The following GABRG3 variants were observed in gnomAD, a reference collection of about 807,000 sequenced individuals.
The protein encoded by GABRG3 is gamma-aminobutyric acid receptor subunit gamma-3.
A neutral mutation model predicts 48.8 loss-of-function variants in GABRG3; 25 were observed. The ratio of observed to expected loss-of-function variants is 0.51; its 90% CI spans 0.37 to 0.72. The LOEUF is 0.72. Ranked by LOEUF, GABRG3 falls within the 30% of genes least tolerant of loss-of-function variation. GABRG3 has a pLI of 0.00. For missense variants in GABRG3, 394 were observed against 577.9 expected (o/e 0.68, Z 3.26); for synonymous variants, 227 against 217.6 (o/e 1.04, Z -0.38).
At chr15:27,446,561 A>G (rs1253520944) in intron 5 of GABRG3, among the ~76,000 whole-genome samples, 2 of 152,220 alleles carry the variant, frequency 1.3e-5, no homozygotes, top group African/African-American at 4.8e-5. Flanking sequence ...CTAGCAGAAA[A>G]AAAAATTTTG....
chr15:27,187,304 C>G (rs1388911624), intron 3 of GABRG3, among the ~76,000 whole-genome samples: 4 of 152,092 alleles, frequency 2.6e-5, no homozygotes, highest in African/African-American at 9.7e-5. Flanking sequence ...CATACCAGTA[C>G]CATGCATTTT....
chr15:26,975,464 T>C lies in GABRG3; in HGVS notation c.54-1538T>C, dbSNP rs963579680. On this transcript the variant is annotated intron_variant, in intron 1 of 9. Transcript: ENST00000615808. This position sits in a 1 kb window ranked among gnomAD's most constrained non-coding sequence, Gnocchi z 4.6. ...AGTGGGGAAGTCATTCTTTGAGACATATGCCGTATACTCATTGTCAACATC... is the reference window on the plus strand; with the variant it reads ...AGTGGGGAAGTCATTCTTTGAGACACATGCCGTATACTCATTGTCAACATC... 5.9e-5 allele frequency among the ~76,000 whole-genome samples: 9 copies of C among 152,172 alleles called. No individual in the cohort carries two copies. Among genetic ancestry groups the C allele is most frequent in the African/African-American group, 1.2e-4 (5 of 41,444 alleles).
At chr15:27,069,864 A>G (rs1407792069) in intron 3 of GABRG3, among the ~76,000 whole-genome samples, 1 of 152,242 alleles carries the variant, frequency 6.6e-6, no homozygotes, top group East Asian at 1.9e-4. Flanking sequence ...AAATGGGCAC[A>G]GAGAGCTTGC....
intron 3 of GABRG3, among the ~76,000 whole-genome samples, chr15:27,219,588 C>T (rs1889384606): frequency 6.6e-6 from 1 of 152,192 alleles, no homozygotes; most frequent in Admixed American, 6.5e-5. Context: ...TGTCCACACC[C>T]TCCTTAGTCC....
At chr15:27,320,398 G>C (rs189748583) in intron 3 of GABRG3, among the ~76,000 whole-genome samples, 4 of 152,220 alleles carry the variant, frequency 2.6e-5, no homozygotes, top group Admixed American at 2.6e-4. Flanking sequence ...AGGGTCTAGG[G>C]CTCCAGAGGT....
chr15:27,023,132 G>A (rs1033946490), intron 2 of GABRG3, among the ~76,000 whole-genome samples: 3 of 152,240 alleles, frequency 2.0e-5, no homozygotes, highest in South Asian at 2.1e-4. Flanking sequence ...ATTTTAAACC[G>A]AATGTATGGG....
intron 5 of GABRG3, among the ~76,000 whole-genome samples, chr15:27,357,742 G>A (rs545730251): frequency 1.3e-5 from 2 of 152,256 alleles, no homozygotes; most frequent in South Asian, 4.1e-4. Context: ...CCCTGAGCTG[G>A]ATATGAAAAT....
At chr15:27,229,737 A>G (rs1171888289) in intron 3 of GABRG3, among the ~76,000 whole-genome samples, 2 of 152,078 alleles carry the variant, frequency 1.3e-5, no homozygotes, top group Non-Finnish European at 2.9e-5. Context: ...TCGGACCCCC[A>G]AAGTGCTGGG....
At chr15:27,166,904 C>T (rs866941823) in intron 3 of GABRG3, among the ~76,000 whole-genome samples, 6 of 152,228 alleles carry the variant, frequency 3.9e-5, no homozygotes, top group South Asian at 4.1e-4. Flanking sequence ...TTGTCACCTC[C>T]GAGGACTTCA....
chr15:27,078,935 G>A (rs1261276503), intron 3 of GABRG3, among the ~76,000 whole-genome samples: 1 of 152,174 alleles, frequency 6.6e-6, no homozygotes, highest in Non-Finnish European at 1.5e-5. Context: ...TTAATCCATT[G>A]TAACTCCTCT....
At chr15:27,114,701 T>C (rs1897611966) in intron 3 of GABRG3, among the ~76,000 whole-genome samples, 1 of 152,184 alleles carries the variant, frequency 6.6e-6, no homozygotes, top group African/African-American at 2.4e-5. Context: ...AAGACAGTGA[T>C]TTAAAATTGA....
chr15:27,086,311 A>G (rs1259310097), intron 3 of GABRG3, among the ~76,000 whole-genome samples: 2 of 151,768 alleles, frequency 1.3e-5, no homozygotes, highest in East Asian at 1.9e-4. Context: ...GGGACAGAGC[A>G]GGTCAGAGTT....
At chr15:27,112,271 G>A (rs546959861) in intron 3 of GABRG3, among the ~76,000 whole-genome samples, 1 of 152,128 alleles carries the variant, frequency 6.6e-6, no homozygotes, top group Non-Finnish European at 1.5e-5. Flanking sequence ...GTTCTCTGAT[G>A]GATTTAGAAA....
intron 5 of GABRG3, among the ~76,000 whole-genome samples, chr15:27,412,653 G>A (rs1300019352): frequency 2.0e-5 from 3 of 152,208 alleles, no homozygotes; most frequent in Admixed American, 6.5e-5. Flanking sequence ...ACGCTTGAAC[G>A]TGGAAGAGGC....
chr15:27,126,058 G>A (rs1897815121), intron 3 of GABRG3, among the ~76,000 whole-genome samples: 1 of 152,194 alleles, frequency 6.6e-6, no homozygotes, highest in South Asian at 2.1e-4. Flanking sequence ...AATTAAATGT[G>A]TCTTCCCTTA....
intron 5 of GABRG3, among the ~76,000 whole-genome samples, chr15:27,432,366 G>A (rs545919151): frequency 2.0e-5 from 3 of 152,212 alleles, no homozygotes; most frequent in African/African-American, 7.2e-5. Flanking sequence ...TTTCAAGTTA[G>A]ACAGGAAAAG....
chr15:27,029,964 C>T (rs1289478512), intron 3 of GABRG3, among the ~76,000 whole-genome samples: 2 of 151,996 alleles, frequency 1.3e-5, no homozygotes, highest in Admixed American at 1.3e-4. Context: ...AACCAAACGA[C>T]GCAATTTTAA....
chr15:27,330,338 T>C (rs566804539), intron 5 of GABRG3, among the ~76,000 whole-genome samples: 2 of 152,362 alleles, frequency 1.3e-5, no homozygotes, highest in East Asian at 1.9e-4. Context: ...CTTCATTGAA[T>C]GTTATAGATT....
At chr15:27,306,843 TTATA>T (rs1404830424) in intron 3 of GABRG3, among the ~76,000 whole-genome samples, 394 of 82,176 alleles carry the variant, frequency 4.8e-3, no homozygotes, top group Non-Finnish European at 6.6e-3. Flanking sequence ...ATAAACATGT[TTATA>T]TATAAACATA....
Sources: gnomAD v4.1 joint callset for allele counts (sites outside exome capture counted in the v4.1 genomes callset) on GRCh38, gnomAD v4.1.1 for gene constraint, Gnocchi (gnomAD v3.1) non-coding constraint, MANE v1.5 for transcripts, NCBI Gene and HGNC (gene_info 2026-07-23, HGNC 2026-07-21) for gene names.